CUL4A: variants seen among roughly 807,000 people sequenced by gnomAD.
The protein encoded by CUL4A is cullin 4A.
Under a neutral mutation model 95.5 loss-of-function variants are expected in CUL4A, and 16 were observed. The ratio of observed to expected loss-of-function variants is 0.17; its 90% CI spans 0.11 to 0.25. The LOEUF (loss-of-function observed/expected upper bound fraction) is 0.25. Ranked by LOEUF, CUL4A falls within the 10% of genes least tolerant of loss-of-function variation. The pLI is 1.00. For synonymous variants in CUL4A, 380 were observed against 353.1 expected, an observed-to-expected ratio of 1.08 and a Z score of -0.85; for missense variants, 610 against 937.0, an observed-to-expected ratio of 0.65 and a Z score of 4.56.
intron 5 of CUL4A, among the ~76,000 whole-genome samples, chr13:113,230,823 T>G (rs1349615954): frequency 2.0e-5 from 3 of 152,098 alleles, no homozygotes; most frequent in Non-Finnish European, 4.4e-5. Flanking sequence ...CAGGCTGGAG[T>G]GCAGTGGCAC....
In CUL4A at chr13:113,242,801, C is replaced by A. The variant is rs553672091; in HGVS notation, c.1036-167C>A. On this transcript the variant is annotated intron_variant, in intron 10 of 19. Coordinates refer to ENST00000375440, the MANE Select transcript of CUL4A (RefSeq NM_001008895.4). ...GGCCTGCCTCAAAAAAAAGTGTATT[C>A]ACTTAATTTTTGAAATGTGAATTCA... is the stretch of plus-strand genomic sequence containing the variant. Among the ~76,000 whole-genome samples the A allele has an allele frequency of 9.9e-5, 15 of 152,278 alleles. No individual in the cohort carries two copies. In the East Asian group the frequency reaches 2.9e-3, roughly 29 times the overall value.
At chr13:113,257,011 G>C (rs146630678) in intron 18 of CUL4A, among the ~76,000 whole-genome samples, 1 of 121,334 alleles carries the variant, frequency 8.2e-6, no homozygotes, top group African/African-American at 3.2e-5. Context: ...TGCAACCTCC[G>C]TCCTCCGGGT....
At chr13:113,215,208 G>GCT in intron 2 of CUL4A, among the ~76,000 whole-genome samples, 1 of 90,878 alleles carries the variant, frequency 1.1e-5, no homozygotes, top group Middle Eastern at 6.6e-3. Context: ...GGTCTGTGTG[G>GCT]GAGTATGGAG....
intron 10 of CUL4A, 127 bp downstream of exon 10, chr13:113,239,678 C>A: frequency 1.5e-6 from 1 of 647,858 alleles, no homozygotes; most frequent in Non-Finnish European, 2.6e-6. Context: ...GCATTTTCAT[C>A]ACAGATGATA....
chr13:113,255,975 A>G (rs934884872), intron 18 of CUL4A, among the ~76,000 whole-genome samples: 14 of 152,178 alleles, frequency 9.2e-5, no homozygotes, highest in Non-Finnish European at 1.6e-4. Flanking sequence ...GGTAACCACT[A>G]CTGCCCTTTT....
intron 19 of CUL4A, among the ~76,000 whole-genome samples, chr13:113,261,443 A>C (rs1348209956): frequency 1.3e-5 from 2 of 152,214 alleles, no homozygotes; most frequent in African/African-American, 2.4e-5. Flanking sequence ...GTTGAGATGC[A>C]CTAAATAGTC....
At chr13:113,240,191 C>T (rs1035153450) in intron 10 of CUL4A, among the ~76,000 whole-genome samples, 12 of 152,224 alleles carry the variant, frequency 7.9e-5, no homozygotes, top group Non-Finnish European at 1.5e-4. Flanking sequence ...CACCACCCCA[C>T]CAAGGGGACA....
intron 15 of CUL4A, 25 bp downstream of exon 15, chr13:113,246,088 C>A: frequency 1.3e-6 from 2 of 1,542,560 alleles, no homozygotes; most frequent in Non-Finnish European, 1.8e-6. Context: ...AGCATGCTGT[C>A]CGCTCCCGCT....
chr13:113,214,912 TC>T (rs2139086250), intron 2 of CUL4A, among the ~76,000 whole-genome samples: 1 of 151,750 alleles, frequency 6.6e-6, no homozygotes, highest in East Asian at 2.0e-4. Context: ...GGAGGTCTCG[TC>T]CCGTGTGGCT....
At chr13:113,235,795 C>G (rs11547466) in intron 8 of CUL4A, among the ~76,000 whole-genome samples, 19,944 of 151,884 alleles carry the variant, frequency 0.13, 1,509 homozygotes, top group Middle Eastern at 0.26. Flanking sequence ...ATGGTGAAAC[C>G]CCGTCTCTAC....
intron 18 of CUL4A, among the ~76,000 whole-genome samples, chr13:113,259,496 T>A (rs192721860): frequency 2.6e-5 from 4 of 152,378 alleles, no homozygotes; most frequent in Non-Finnish European, 4.4e-5. Flanking sequence ...CTGATAACCA[T>A]GTTTTATCAT....
At chr13:113,208,916 G>A, upstream of CUL4A, 2 of 1,363,472 alleles carry the variant, frequency 1.5e-6, no homozygotes, top group Non-Finnish European at 1.9e-6. Flanking sequence ...CCAGTGGCGA[G>A]GACAGCCCCA....
rs1488170767 is a variant in CUL4A at position 113,229,426 on chromosome 13, T to A, written c.439-20T>A. ...GCTAGTAGAATTCATAAGTAAATGG[T>A]TCTCCTTTCTGCTGGTCAGATCATG... On this transcript the variant is annotated intron_variant, in intron 4 of 19. Coordinates refer to ENST00000375440, the MANE Select transcript of CUL4A (RefSeq NM_001008895.4). 6.2e-7 allele frequency: 1 copy of A among 1,610,408 alleles called. No individual in the cohort carries two copies. Among genetic ancestry groups the A allele is most frequent in the South Asian group, 1.1e-5 (1 of 90,936 alleles).
chr13:113,226,409 G>T (rs1255385250), intron 3 of CUL4A, among the ~76,000 whole-genome samples: 3 of 152,200 alleles, frequency 2.0e-5, no homozygotes, highest in African/African-American at 7.2e-5. Flanking sequence ...TTCTTAATCT[G>T]TACAAAGGGA....
Position 113,209,925 on chromosome 13 carries a change from G to T in CUL4A, c.149-48G>T, listed in dbSNP as rs947438738. ...GCCGGGTCGGGGGTGGCTACGCGGG[G>T]CGCTTCGCGGCGCGCCCTGAGCCGC... On this transcript the variant is annotated intron_variant, in intron 1 of 19. Transcript: ENST00000375440. 15 of 1,404,532 alleles carry T rather than the reference G, an allele frequency of 1.1e-5. No individual in the cohort carries two copies. In the African/African-American group the frequency reaches 1.9e-4, roughly 18 times the overall value. The allele number at this position is 1,404,532 out of a possible 1,614,324, so 87.0% of individuals were successfully genotyped here.
At chr13:113,237,017 T>G in intron 9 of CUL4A, 127 bp downstream of exon 9, 1 of 638,178 alleles carries the variant, frequency 1.6e-6, no homozygotes, top group Non-Finnish European at 2.6e-6. Flanking sequence ...TCATTAAAAA[T>G]CTTTTCTAAT....
At chr13:113,208,629 C>T (rs115957258), upstream of CUL4A, 512 of 1,607,938 alleles carry the variant, frequency 3.2e-4, no homozygotes, top group African/African-American at 4.9e-3. Flanking sequence ...TGGTAATGTG[C>T]GCCATGGGAG....
At chr13:113,214,205 C>T (rs977720243) in intron 2 of CUL4A, among the ~76,000 whole-genome samples, 3 of 152,170 alleles carry the variant, frequency 2.0e-5, no homozygotes, top group Non-Finnish European at 4.4e-5. Flanking sequence ...ACTTTTTGGG[C>T]CTCAGCTGGC....
rs1366623754 is a variant in CUL4A, at chr13:113,243,169, A to G, written c.1228+9A>G. The G allele has an allele frequency of 1.3e-6, 2 of 1,577,090 alleles. No individual in the cohort carries two copies. The highest frequency in any genetic ancestry group is 1.7e-6 in the Non-Finnish European group (2 of 1,154,370). ...GCCTGCAGAACTGATCGGTAGAAAA[A>G]TATTTGTTTTTTTTGTTTGTTTGTT... On this transcript the variant is annotated intron_variant, in intron 11 of 19. Coordinates refer to ENST00000375440, the MANE Select transcript of CUL4A (RefSeq NM_001008895.4).
Sources: gnomAD v4.1 joint callset for allele counts (sites outside exome capture counted in the v4.1 genomes callset) on GRCh38, gnomAD v4.1.1 for gene constraint, MANE v1.5 for transcripts, NCBI Gene and HGNC (gene_info 2026-07-23, HGNC 2026-07-21) for gene names.